PPP1R12C: variants seen among roughly 807,000 people sequenced by gnomAD.
PPP1R12C encodes leukocyte receptor cluster (LRC) encoded novel gene 3.
Under a neutral mutation model 95.6 loss-of-function variants are expected in PPP1R12C, and 48 were observed. The observed-to-expected ratio is 0.50, with a 90% CI of 0.40 to 0.64. The LOEUF (loss-of-function observed/expected upper bound fraction) is 0.64. Among genes scored for constraint, PPP1R12C ranks in the 30% least tolerant of loss-of-function variants. The probability of loss-of-function intolerance (pLI) is 0.00; values close to 1 mark genes in which losing one functional copy is unlikely to be tolerated. For missense variants in PPP1R12C, 1,057 were observed against 1,083.3 expected (o/e 0.98, Z 0.34); for synonymous variants, 480 against 460.8 (o/e 1.04, Z -0.53).
chr19:55,105,811 G>A (rs924755751), intron 3 of PPP1R12C, among the ~76,000 whole-genome samples: 9 of 152,026 alleles, frequency 5.9e-5, no homozygotes, highest in African/African-American at 2.2e-4. Flanking sequence ...GCATGGTGGT[G>A]CACACCTATG....
chr19:55,095,368 G>A lies in PPP1R12C; in HGVS notation c.1387-10C>T, dbSNP rs1301413612. The stretch of plus-strand genomic sequence containing the variant: ...GACGGAGCTCCTTGGCCTGTGTGGA[G>A]AGGAGAAGGGGAGGAAGGGGCAGTT... On this transcript the variant is annotated splice_polypyrimidine_tract_variant and intron_variant, in intron 10 of 21. Coordinates refer to ENST00000263433, the MANE Select transcript of PPP1R12C (RefSeq NM_017607.4). 2.5e-6 allele frequency: 4 copies of A among 1,586,160 alleles called. No homozygotes were observed. The South Asian group carries it at 3.4e-5, about 14-fold the overall frequency.
rs546684642 is a variant in PPP1R12C, at chr19:55,103,133, G to A, written c.731+276C>T. On this transcript the variant is annotated intron_variant, in intron 4 of 21. Transcript: ENST00000263433. Reference sequence around the variant, plus strand: ...ACCTGAGCCTGGGGAGTTTGAGGCTGCAGTGAGCCACGACTGTGCCACTGC... The same window carrying A: ...ACCTGAGCCTGGGGAGTTTGAGGCTACAGTGAGCCACGACTGTGCCACTGC... 1.4e-4 allele frequency among the ~76,000 whole-genome samples: 21 copies of A among 152,288 alleles called. No homozygotes were observed. The East Asian group carries it at 4.1e-3, about 29-fold the overall frequency.
At chr19:55,115,144 G>A (rs981433905) in intron 1 of PPP1R12C, 1 of 152,258 alleles carries the variant, frequency 6.6e-6, no homozygotes. Flanking sequence ...AGGAAAGAAG[G>A]ATGGAGAAAG....
Position 55,096,113 on chromosome 19 carries a change from C to A in PPP1R12C, c.1091G>T (p.Arg364Leu), listed in dbSNP as rs749053309. ...ISLQDLSKER[R>L]PGGAGGPPIQ... ...GGGGGGCCCCCCAGCCCCACCAGGC[C>A]GGCGCTCCTTGGACAAGTCCTGGAG... is the stretch of plus-strand genomic sequence containing the variant. The change falls in exon 8 of 22, where the codon CGG becomes CTG. Residue 364 changes from arginine to leucine, a missense_variant. Arg to Leu is a moderately radical substitution (Grantham distance 102, BLOSUM62 -2). This residue lies in a region of PPP1R12C where 356 missense variants were observed against 330.5 expected (regional missense o/e 1.08). Coordinates refer to ENST00000263433, the MANE Select transcript of PPP1R12C (RefSeq NM_017607.4). 1.3e-6 allele frequency: 2 copies of A among 1,599,048 alleles called. No individual in the cohort carries two copies. The highest frequency in any genetic ancestry group is 1.1e-5 in the South Asian group (1 of 89,232).
intron 3 of PPP1R12C, chr19:55,111,453 A>G (rs1468301006): frequency 6.6e-6 from 1 of 152,182 alleles, no homozygotes; most frequent in Non-Finnish European, 1.5e-5. Context: ...AAAAAGTTGG[A>G]GGAGGAAGGA....
intron 1 of PPP1R12C, among the ~76,000 whole-genome samples, chr19:55,116,374 G>A (rs917674129): frequency 1.3e-5 from 2 of 152,128 alleles, no homozygotes; most frequent in Non-Finnish European, 2.9e-5. Flanking sequence ...GTGCAGCGCC[G>A]AGAAGGAAGT....
Position 55,117,482 on chromosome 19 carries a change from C to A in PPP1R12C, c.62G>T (p.Arg21Leu). The change falls in exon 1 of 22, where the codon CGG (arginine) becomes CTG (leucine). Residue 21 changes from arginine (R) to leucine (L), a missense_variant. Coordinates refer to ENST00000263433, the MANE Select transcript of PPP1R12C (RefSeq NM_017607.4). The part of the protein sequence containing the change: ...PGAAAAAARE[R>L]RREQLRQWGA... ...CCACTGCCGCAGCTGCTCCCGTCGC[C>A]GCTCCCGGGCAGCCGCCGCCGCCGC... The A allele has an allele frequency of 5.9e-6, 6 of 1,021,266 alleles. No individual in the cohort carries two copies. Among genetic ancestry groups the A allele is most frequent in the Non-Finnish European group, 7.0e-6 (6 of 854,874 alleles). The allele number at this position is 1,021,266 out of a possible 1,614,324, so 63.3% of individuals were successfully genotyped here. A position where few individuals can be genotyped will look rare whatever the true frequency, so the allele number is the denominator to read the frequency against.
Position 55,103,546 on chromosome 19 carries a change from C to T in PPP1R12C, c.594G>A (p.Lys198=). The change falls in exon 4 of 22, where the codon AAG becomes AAA. Residue 198 remains lysine, a synonymous_variant. Transcript: ENST00000263433. ...ARRGVDVEAA[K]RAEEELLLHD... is the part of the protein sequence containing the mutation. ...GAAGGAGCAATTCCTCTTCTGCCCG[C>T]TTGGCTGCTTCCACATCCACACCTA... 6.3e-7 allele frequency: 1 copy of T among 1,592,332 alleles called. No homozygotes were observed. The highest frequency in any genetic ancestry group is 8.6e-7 in the Non-Finnish European group (1 of 1,164,860).
Position 55,099,042 on chromosome 19 carries a change from G to A in PPP1R12C, c.785C>T (p.Thr262Ile). ...CCAGTGTGCCGCTGCGTGCAGGGGA[G>A]TCCAGCCGTCCCCGTCCCGGAGCTC... The part of the protein sequence containing the change: ...DPELRDGDGW[T>I]PLHAAAHWGV... The change falls in exon 5 of 22, where the codon ACT becomes ATT. Residue 262 changes from threonine to isoleucine, a missense_variant. Thr to Ile is a moderately conservative substitution (Grantham distance 89). This residue lies in a region of PPP1R12C where 282 missense variants were observed against 380.4 expected (regional missense o/e 0.74). Coordinates refer to ENST00000263433, the MANE Select transcript of PPP1R12C (RefSeq NM_017607.4). 1 of 1,553,454 alleles carries A rather than the reference G, an allele frequency of 6.4e-7. No individual in the cohort carries two copies. Among genetic ancestry groups the A allele is most frequent in the Non-Finnish European group, 8.7e-7 (1 of 1,148,554 alleles).
chr19:55,102,622 G>T (rs2084991083), intron 4 of PPP1R12C, among the ~76,000 whole-genome samples: 1 of 152,118 alleles, frequency 6.6e-6, no homozygotes, highest in Admixed American at 6.5e-5. Flanking sequence ...ATCACAGCAA[G>T]AATTTAAATG....
At chr19:55,110,794 C>T (rs943537974) in intron 3 of PPP1R12C, among the ~76,000 whole-genome samples, 1 of 151,656 alleles carries the variant, frequency 6.6e-6, no homozygotes, top group Non-Finnish European at 1.5e-5. Context: ...TCGCTTGAAC[C>T]CAGGAGGTGG....
At chr19:55,096,390 C>T (rs1372522788) in intron 6 of PPP1R12C, 55 bp from the exon 7 acceptor site, 2 of 1,567,328 alleles carry the variant, frequency 1.3e-6, no homozygotes, top group Admixed American at 1.7e-5. Context: ...TGCCCCACAG[C>T]AACACCACCA....
intron 4 of PPP1R12C, among the ~76,000 whole-genome samples, chr19:55,100,904 G>A (rs554792081): frequency 2.8e-4 from 43 of 152,102 alleles, no homozygotes; most frequent in Non-Finnish European, 5.3e-4. Flanking sequence ...GATCCACCAC[G>A]CCCAGCCTGC....
Position 55,093,088 on chromosome 19 carries a change from G to C in PPP1R12C, c.1765-12C>G. 6.2e-7 allele frequency: 1 copy of C among 1,608,418 alleles called. No homozygotes were observed. The highest frequency in any genetic ancestry group is 8.5e-7 in the Non-Finnish European group (1 of 1,178,760). On this transcript the variant is annotated splice_polypyrimidine_tract_variant and intron_variant, in intron 14 of 21. Coordinates refer to ENST00000263433, the MANE Select transcript of PPP1R12C (RefSeq NM_017607.4). ...CTTCGGGAAGGGTCCTGTCGGGAGG[G>C]GGAGGCGAGTCAGGGAAGCAGGACA...
chr19:55,117,600 ACCCG>A lies in PPP1R12C; in HGVS notation c.-61_-58del, dbSNP rs567100009. ...GCGCCGAGCCCCAACCGCCGCCACC[ACCCG>A]CCCGCCCGCCCGCCCCGGGGGCCGC... On this transcript the variant is annotated 5_prime_UTR_variant, in exon 1 of 22. Transcript: ENST00000263433. 4.9e-3 allele frequency: 4,310 copies of A among 879,126 alleles called. 44 individuals are homozygous for A. The South Asian group carries it at 0.051, about 10-fold the overall frequency. The allele number at this position is 879,126 out of a possible 1,614,324, so 54.5% of individuals were successfully genotyped here. A position where few individuals can be genotyped will look rare whatever the true frequency, so the allele number is the denominator to read the frequency against.
chr19:55,098,541 G>C (rs1421001725), intron 6 of PPP1R12C, among the ~76,000 whole-genome samples: 1 of 152,252 alleles, frequency 6.6e-6, no homozygotes, highest in East Asian at 1.9e-4. Context: ...AGACAACCCT[G>C]TCCAAATCCT....
chr19:55,104,698 CAA>C (rs968063862), intron 3 of PPP1R12C, among the ~76,000 whole-genome samples: 7 of 103,826 alleles, frequency 6.7e-5, no homozygotes, highest in Admixed American at 9.6e-5. Flanking sequence ...ACTCCGTCTC[CAA>C]AAAAAAAAAA....
intron 1 of PPP1R12C, among the ~76,000 whole-genome samples, chr19:55,116,392 A>G (rs1330771951): frequency 6.6e-6 from 1 of 152,090 alleles, no homozygotes; most frequent in Non-Finnish European, 1.5e-5. Context: ...AGTGCTCCGG[A>G]AAGAGCATCC....
chr19:55,104,784 T>C (rs1309733216), intron 3 of PPP1R12C, among the ~76,000 whole-genome samples: 1 of 151,016 alleles, frequency 6.6e-6, no homozygotes, highest in African/African-American at 2.4e-5. Flanking sequence ...TTAGGCCATA[T>C]ATATATATAT....
Sources: allele counts gnomAD v4.1 joint callset (sites outside exome capture counted in the v4.1 genomes callset), GRCh38; gene constraint gnomAD v4.1.1; regional missense constraint gnomAD v4.1.1; transcripts MANE v1.5; gene names NCBI Gene and HGNC (gene_info 2026-07-23, HGNC 2026-07-21).